SLCO1A2: variants seen among roughly 807,000 people sequenced by gnomAD.
SLCO1A2 encodes the protein solute carrier organic anion transporter family member 1A2.
Under a neutral mutation model 69.0 loss-of-function variants are expected in SLCO1A2, and 67 were observed. The observed-to-expected ratio is 0.97, with a 90% CI of 0.80 to 1.19. The LOEUF (loss-of-function observed/expected upper bound fraction) is 1.19. Ranked by LOEUF, SLCO1A2 falls within the 50% of genes most tolerant of loss-of-function variation. The probability of loss-of-function intolerance (pLI) is 0.00; values close to 1 mark genes in which losing one functional copy is unlikely to be tolerated. For synonymous variants in SLCO1A2, 260 were observed against 265.9 expected, an observed-to-expected ratio of 0.98 and a Z score of 0.22; for missense variants, 787 against 793.7, an observed-to-expected ratio of 0.99 and a Z score of 0.10.
intron 5 of SLCO1A2, among the ~76,000 whole-genome samples, chr12:21,305,477 C>T (rs531177478): frequency 9.8e-4 from 149 of 152,306 alleles, no homozygotes; most frequent in Non-Finnish European, 1.9e-3. Flanking sequence ...TATTTCCAGT[C>T]GGAAAATAAT....
intron 12 of SLCO1A2, among the ~76,000 whole-genome samples, chr12:21,290,060 T>C (rs1258829281): frequency 2.6e-5 from 4 of 152,056 alleles, no homozygotes; most frequent in Non-Finnish European, 2.9e-5. Context: ...TGGCTGTATG[T>C]ACATATGTGT....
Position 21,304,582 on chromosome 12 carries a change from A to G in SLCO1A2, c.443-9T>C. 6.9e-7 allele frequency: 1 copy of G among 1,457,386 alleles called. No homozygotes were observed. Among genetic ancestry groups the G allele is most frequent in the Non-Finnish European group, 9.0e-7 (1 of 1,108,660 alleles). The allele number at this position is 1,457,386 out of a possible 1,614,324, so 90.3% of individuals were successfully genotyped here. On this transcript the variant is annotated splice_polypyrimidine_tract_variant and intron_variant, in intron 5 of 14. Transcript: ENST00000683939. ...AACTTCCTTTGTACACTCTGCATTA[A>G]AAAAAAAAGACATGACATTAGTGCT...
intron 2 of SLCO1A2, among the ~76,000 whole-genome samples, chr12:21,366,102 A>G (rs892949540): frequency 5.3e-5 from 8 of 152,340 alleles, no homozygotes; most frequent in African/African-American, 1.9e-4. Flanking sequence ...ATGCATACGT[A>G]TGTTTATTGC....
At chr12:21,329,062 CT>C (rs1952438632) in intron 2 of SLCO1A2, among the ~76,000 whole-genome samples, 2 of 152,100 alleles carry the variant, frequency 1.3e-5, no homozygotes, top group Non-Finnish European at 2.9e-5. Flanking sequence ...TATGAATAAC[CT>C]CGTATACATT....
At chr12:21,280,853 T>A (rs2136172104) in intron 12 of SLCO1A2, among the ~76,000 whole-genome samples, 1 of 152,050 alleles carries the variant, frequency 6.6e-6, no homozygotes, top group Admixed American at 6.6e-5. Context: ...ACAAACCAAG[T>A]CTTAAAACAT....
intron 1 of SLCO1A2, among the ~76,000 whole-genome samples, chr12:21,391,461 G>GA (rs1304741402): frequency 6.6e-6 from 1 of 152,078 alleles, no homozygotes; most frequent in Non-Finnish European, 1.5e-5. Context: ...TTGCAGGAAG[G>GA]AAAAATTATA....
At chr12:21,285,994 G>A (rs546365014) in intron 12 of SLCO1A2, among the ~76,000 whole-genome samples, 193 of 152,222 alleles carry the variant, frequency 1.3e-3, no homozygotes, top group Middle Eastern at 3.4e-3. Context: ...ATATAGTGTC[G>A]GAAGTTCTGG....
chr12:21,395,659 C>T (rs1006097311), upstream of SLCO1A2, among the ~76,000 whole-genome samples: 8 of 152,196 alleles, frequency 5.3e-5, no homozygotes, highest in African/African-American at 1.7e-4. Flanking sequence ...GGTCTCCCAG[C>T]ACGCAGCTGG....
intron 4 of SLCO1A2, among the ~76,000 whole-genome samples, chr12:21,312,864 A>G (rs916847763): frequency 3.3e-5 from 5 of 152,058 alleles, no homozygotes; most frequent in Admixed American, 2.6e-4. Flanking sequence ...GCTTGAACCC[A>G]GGAGTTCAGG....
At chr12:21,337,247 C>T (rs1010320088), upstream of SLCO1A2, among the ~76,000 whole-genome samples, 1 of 151,988 alleles carries the variant, frequency 6.6e-6, no homozygotes, top group Non-Finnish European at 1.5e-5. Context: ...CACCTGTTGG[C>T]TTCCAGCCCC....
intron 2 of SLCO1A2, among the ~76,000 whole-genome samples, chr12:21,349,868 C>G (rs1377993858): frequency 6.6e-6 from 1 of 152,086 alleles, no homozygotes; most frequent in Non-Finnish European, 1.5e-5. Flanking sequence ...CTTAAATGCT[C>G]CTTATCATCA....
intron 5 of SLCO1A2, among the ~76,000 whole-genome samples, chr12:21,306,547 G>A (rs962595262): frequency 2.6e-5 from 4 of 152,024 alleles, no homozygotes; most frequent in Admixed American, 6.6e-5. Flanking sequence ...GGCTGGTCTC[G>A]AACTCCTGAC....
At chr12:21,384,321 G>A (rs1940758648) in intron 1 of SLCO1A2, among the ~76,000 whole-genome samples, 1 of 152,162 alleles carries the variant, frequency 6.6e-6, no homozygotes, top group Non-Finnish European at 1.5e-5. Flanking sequence ...AATCCTAAAT[G>A]AGATTTGCAT....
chr12:21,363,214 T>A (rs1939077036), intron 2 of SLCO1A2, among the ~76,000 whole-genome samples: 1 of 152,128 alleles, frequency 6.6e-6, no homozygotes, highest in South Asian at 2.1e-4. Context: ...CACAGTGCAA[T>A]CAAACTAGAA....
chr12:21,362,509 A>T (rs529597495), intron 2 of SLCO1A2, among the ~76,000 whole-genome samples: 1 of 152,326 alleles, frequency 6.6e-6, no homozygotes, highest in South Asian at 2.1e-4. Flanking sequence ...CAAAATAACC[A>T]GCTAACATCA....
chr12:21,357,403 AT>A (rs1384647522), intron 2 of SLCO1A2, among the ~76,000 whole-genome samples: 1 of 152,234 alleles, frequency 6.6e-6, no homozygotes, highest in Non-Finnish European at 1.5e-5. Flanking sequence ...AGAAAGAGGC[AT>A]GGAACAGCCC....
At chr12:21,278,831 A>G (rs1331109504) in intron 12 of SLCO1A2, among the ~76,000 whole-genome samples, 1 of 152,186 alleles carries the variant, frequency 6.6e-6, no homozygotes, top group Non-Finnish European at 1.5e-5. Context: ...ACAGGAAAAC[A>G]TGACCTCACC....
At chr12:21,363,466 T>C (rs551035814) in intron 2 of SLCO1A2, among the ~76,000 whole-genome samples, 1 of 152,236 alleles carries the variant, frequency 6.6e-6, no homozygotes, top group East Asian at 1.9e-4. Flanking sequence ...ATTGACACCC[T>C]AACATCACAA....
intron 12 of SLCO1A2, among the ~76,000 whole-genome samples, chr12:21,283,296 G>A (rs1192658034): frequency 1.3e-5 from 2 of 152,086 alleles, no homozygotes; most frequent in African/African-American, 4.8e-5. Context: ...TTTTGACAAA[G>A]ATGCCAAGAA....
Sources: allele counts gnomAD v4.1 joint callset (sites outside exome capture counted in the v4.1 genomes callset), GRCh38; gene constraint gnomAD v4.1.1; transcripts MANE v1.5; gene names NCBI Gene and HGNC (gene_info 2026-07-23, HGNC 2026-07-21).